The following AGTPBP1 variants were observed in gnomAD, a reference collection of about 807,000 sequenced individuals.
AGTPBP1 encodes cytosolic carboxypeptidase 1.
Under a neutral mutation model 143.9 loss-of-function variants are expected in AGTPBP1, and 70 were observed. The ratio of observed to expected loss-of-function variants is 0.49; its 90% confidence interval spans 0.40 to 0.59. The LOEUF is 0.59. Ranked by LOEUF, AGTPBP1 falls within the 20% of genes least tolerant of loss-of-function variation. The pLI is 0.00. For missense variants in AGTPBP1, 1,229 were observed against 1,464.5 expected, an observed-to-expected ratio of 0.84 and a Z score of 2.62; for synonymous variants, 463 against 500.2, an observed-to-expected ratio of 0.93 and a Z score of 0.99.
Position 85,703,843 on chromosome 9 carries a change from A to G in AGTPBP1, c.32+8659T>C, listed in dbSNP as rs146318827. Among the ~76,000 whole-genome samples, 431 of 152,350 alleles carry G rather than the reference A, an allele frequency of 2.8e-3. 1 individual carries two copies. Among genetic ancestry groups the G allele is most frequent in the Non-Finnish European group, 4.0e-3 (271 of 68,030 alleles). The stretch of plus-strand genomic sequence containing the variant: ...GGACTGAGTCCTGAGGACTATTTAG[A>G]GGTCCTACAGAGGAAAAAGTCCCAT... On this transcript the variant is annotated intron_variant, in intron 2 of 25. Coordinates refer to ENST00000357081, the MANE Select transcript of AGTPBP1 (RefSeq NM_001330701.2).
At chr9:85,712,022 G>C (rs1221096875) in intron 2 of AGTPBP1, among the ~76,000 whole-genome samples, 3 of 151,838 alleles carry the variant, frequency 2.0e-5, no homozygotes, top group Non-Finnish European at 4.4e-5. Flanking sequence ...CCAGCACTTT[G>C]GGAGGCCAAG....
chr9:85,678,348 C>G lies in AGTPBP1; in HGVS notation c.276G>C (p.Glu92Asp), dbSNP rs371158632. 1.1e-5 allele frequency: 17 copies of G among 1,595,484 alleles called. No homozygotes were observed. Among genetic ancestry groups the G allele is most frequent in the Non-Finnish European group, 1.5e-5 (17 of 1,168,400 alleles). The change falls in exon 5 of 26, where the codon GAG (glutamate) becomes GAC (aspartate). Residue 92 changes from glutamate (E) to aspartate (D), a missense_variant. By Grantham distance (45) the Glu-to-Asp change is conservative. This residue lies in a region of AGTPBP1 where 743 missense variants were observed against 812.2 expected (regional missense o/e 0.91). Coordinates refer to ENST00000357081, the MANE Select transcript of AGTPBP1 (RefSeq NM_001330701.2). The part of the protein sequence containing the change: ...TTLNILSILV[E>D]LVSAGGGRRV... The stretch of plus-strand genomic sequence containing the variant: ...ACAAAAACTTACCAGCTGACACCAG[C>G]TCAACAAGAATGCTTAAGATATTAA...
At chr9:85,600,341 G>A (rs567474825) in intron 17 of AGTPBP1, among the ~76,000 whole-genome samples, 1 of 152,260 alleles carries the variant, frequency 6.6e-6, no homozygotes, top group African/African-American at 2.4e-5. Context: ...CATTATAATA[G>A]TTTCAACAGT....
chr9:85,711,068 A>AT (rs1248195450), intron 2 of AGTPBP1, among the ~76,000 whole-genome samples: 2 of 152,218 alleles, frequency 1.3e-5, no homozygotes, highest in African/African-American at 2.4e-5. Flanking sequence ...TATATAACAG[A>AT]TTTAACGCAT....
intron 25 of AGTPBP1, among the ~76,000 whole-genome samples, chr9:85,556,307 T>G (rs2132781828): frequency 6.6e-6 from 1 of 152,188 alleles, no homozygotes; most frequent in Admixed American, 6.5e-5. Context: ...CAAATATCCA[T>G]GTTATCATCT....
At chr9:85,626,200 G>A (rs1176047987) in intron 14 of AGTPBP1, among the ~76,000 whole-genome samples, 4 of 152,024 alleles carry the variant, frequency 2.6e-5, no homozygotes, top group African/African-American at 4.8e-5. Context: ...ATTGAGATAC[G>A]AATCTTACTT....
At chr9:85,771,953 C>CTGGCCCTTGTG in the AGTPBP1 span, among the ~76,000 whole-genome samples, 1 of 151,104 alleles carries the variant, frequency 6.6e-6, no homozygotes, top group East Asian at 1.9e-4. Flanking sequence ...GCCACCGCGC[C>CTGGCCCTTGTG]CAGCCTGATA....
intron 17 of AGTPBP1, among the ~76,000 whole-genome samples, chr9:85,597,224 C>T (rs1307660568): frequency 2.6e-5 from 4 of 151,784 alleles, no homozygotes; most frequent in African/African-American, 9.7e-5. Flanking sequence ...GTTATTCCAA[C>T]AATGAAGCAC....
chr9:85,677,291 A>AC (rs1224590364), intron 6 of AGTPBP1, 145 bp downstream of exon 6: 8 of 698,506 alleles, frequency 1.1e-5, no homozygotes, highest in Non-Finnish European at 2.2e-6. Flanking sequence ...TATCATGTGT[A>AC]CCCCCATAAA....
intron 2 of AGTPBP1, among the ~76,000 whole-genome samples, chr9:85,698,603 G>A (rs958002884): frequency 6.9e-6 from 1 of 144,946 alleles, no homozygotes; most frequent in African/African-American, 2.5e-5. Flanking sequence ...TGAGCAATTT[G>A]AGATACTACA....
At chr9:85,562,648 G>A (rs968697359) in intron 25 of AGTPBP1, among the ~76,000 whole-genome samples, 4 of 151,918 alleles carry the variant, frequency 2.6e-5, no homozygotes, top group Non-Finnish European at 5.9e-5. Context: ...AAACTAAATG[G>A]AACGACTGGC....
At chr9:85,744,014 C>T (rs1276166791), upstream of AGTPBP1, among the ~76,000 whole-genome samples, 1 of 151,614 alleles carries the variant, frequency 6.6e-6, no homozygotes, top group Non-Finnish European at 1.5e-5. Context: ...CAGCCTTGAC[C>T]TCCCAGGCTT....
chr9:85,729,680 A>G (rs1392127540), intron 1 of AGTPBP1, among the ~76,000 whole-genome samples: 1 of 152,110 alleles, frequency 6.6e-6, no homozygotes, highest in Non-Finnish European at 1.5e-5. Flanking sequence ...AACACAACTC[A>G]ATAGCAAAAA....
intron 8 of AGTPBP1, among the ~76,000 whole-genome samples, chr9:85,663,458 C>T (rs1292333499): frequency 2.0e-5 from 3 of 151,962 alleles, no homozygotes; most frequent in Non-Finnish European, 4.4e-5. Context: ...ACAGATCAAA[C>T]TATTTCCAAC....
At chr9:85,570,235 AG>A (rs1827376984) in intron 25 of AGTPBP1, among the ~76,000 whole-genome samples, 1 of 152,222 alleles carries the variant, frequency 6.6e-6, no homozygotes, top group Admixed American at 6.5e-5. Context: ...AGACGTCACC[AG>A]ACTACTGAGA....
intron 1 of AGTPBP1, among the ~76,000 whole-genome samples, chr9:85,726,855 C>A (rs749801656): frequency 4.2e-4 from 63 of 151,472 alleles, no homozygotes; most frequent in Non-Finnish European, 7.5e-4. Flanking sequence ...AATTTATGGC[C>A]CAGAAAAGGG....
intron 15 of AGTPBP1, among the ~76,000 whole-genome samples, chr9:85,620,987 T>C (rs1027191639): frequency 1.3e-5 from 2 of 152,194 alleles, no homozygotes; most frequent in Admixed American, 1.3e-4. Context: ...AATCTCGTGA[T>C]AGAGTTAAGT....
intron 11 of AGTPBP1, among the ~76,000 whole-genome samples, chr9:85,649,015 T>C (rs1389761696): frequency 6.6e-6 from 1 of 152,224 alleles, no homozygotes; most frequent in East Asian, 1.9e-4. Flanking sequence ...CTTAAGAGCG[T>C]CTGAGACCTT....
chr9:85,732,688 C>T (rs893968919), intron 1 of AGTPBP1, among the ~76,000 whole-genome samples: 1 of 151,940 alleles, frequency 6.6e-6, no homozygotes, highest in African/African-American at 2.4e-5. Context: ...CAAAGACTGG[C>T]AGAATAGATT....
Sources: allele counts gnomAD v4.1 joint callset (sites outside exome capture counted in the v4.1 genomes callset), GRCh38; gene constraint gnomAD v4.1.1; regional missense constraint gnomAD v4.1.1; transcripts MANE v1.5; gene names NCBI Gene and HGNC (gene_info 2026-07-23, HGNC 2026-07-21).